PSAT1: variants seen among roughly 807,000 people sequenced by gnomAD.
The protein encoded by PSAT1 is phosphoserine aminotransferase 1, also known as phosphoserine aminotransferase.
PSAT1 carries 41 observed loss-of-function variants against 40.3 expected under a neutral mutation model. The ratio of observed to expected loss-of-function variants is 1.02; its 90% CI spans 0.79 to 1.32. PSAT1 has a LOEUF of 1.32. Among genes scored for constraint, PSAT1 ranks in the 40% most tolerant of loss-of-function variants. The pLI, the probability that PSAT1 is intolerant of heterozygous loss-of-function variation, is 0.00. For missense variants in PSAT1, 406 were observed against 455.8 expected, an observed-to-expected ratio of 0.89 and a Z score of 0.99; for synonymous variants, 147 against 170.5, an observed-to-expected ratio of 0.86 and a Z score of 1.07.
intron 7 of PSAT1, among the ~76,000 whole-genome samples, chr9:78,320,300 C>T (rs1828408724): frequency 6.7e-6 from 1 of 148,928 alleles, no homozygotes; most frequent in East Asian, 2.0e-4. Context: ...CACTCACCTA[C>T]CCATCCACTC....
chr9:78,298,459 T>C, intron 1 of PSAT1: 1 of 983,362 alleles, frequency 1.0e-6, no homozygotes, highest in Non-Finnish European at 1.2e-6. Context: ...GGGGCAGCGC[T>C]CACAGTAGCT....
At position 78,311,651 on chromosome 9, in the gene PSAT1, G is replaced by A. The variant is rs183105860; in HGVS notation, c.740+3068G>A. 3.6e-3 allele frequency among the ~76,000 whole-genome samples: 555 copies of A among 152,122 alleles called. 4 individuals are homozygous for A. Among genetic ancestry groups the A allele is most frequent in the Admixed American group, 5.4e-3 (82 of 15,290 alleles). On this transcript the variant is annotated intron_variant, in intron 6 of 8. Coordinates refer to ENST00000376588, the MANE Select transcript of PSAT1 (RefSeq NM_058179.4). ...AATCGAGACCAGCCAGACCAACATG[G>A]TGAAACCCCGTCTCTACTAAAAATA...
At chr9:78,313,989 A>G (rs1268310304) in intron 6 of PSAT1, among the ~76,000 whole-genome samples, 3 of 152,216 alleles carry the variant, frequency 2.0e-5, no homozygotes, top group African/African-American at 4.8e-5. Flanking sequence ...TAGAATGGAC[A>G]TACCTCGATT....
chr9:78,316,833 G>A (rs1233784780), intron 6 of PSAT1, among the ~76,000 whole-genome samples: 1 of 152,182 alleles, frequency 6.6e-6, no homozygotes, highest in South Asian at 2.1e-4. Context: ...CTGGCTGGAA[G>A]GCACTGTGCT....
Position 78,306,337 on chromosome 9 carries a change from A to C in PSAT1, c.421A>C (p.Asn141His). 1 of 1,612,394 alleles carries C rather than the reference A, an allele frequency of 6.2e-7. No homozygotes were observed. The highest frequency in any genetic ancestry group is 8.5e-7 in the Non-Finnish European group (1 of 1,179,932). Residue 141 changes from asparagine (N) to histidine (H), a missense_variant, in exon 5 of 9, where the codon AAC becomes CAC. Physicochemically the swap from Asn to His is moderately conservative, Grantham distance 68. Transcript: ENST00000376588. ...AGAAATTCCAGATCCAAGCACCTGG[A>C]ACCTCAACCCAGATGCCTCCTACGT... ...YTKIPDPSTW[N>H]LNPDASYVYY...
rs532271165 is a variant in PSAT1, at chr9:78,305,721, C to T, written c.398-593C>T. Among the ~76,000 whole-genome samples, 4 of 152,282 alleles carry T rather than the reference C, an allele frequency of 2.6e-5. No homozygotes were observed. In the South Asian group the frequency reaches 8.3e-4, roughly 32 times the overall value. On this transcript the variant is annotated intron_variant, in intron 4 of 8. Coordinates refer to ENST00000376588, the MANE Select transcript of PSAT1 (RefSeq NM_058179.4). Reference sequence around the variant, plus strand: ...TGGCCATGCCTGAGTTGCATTCTACCTCTGGGCTGTAGGTTTCATTGGCTC... The same window carrying T: ...TGGCCATGCCTGAGTTGCATTCTACTTCTGGGCTGTAGGTTTCATTGGCTC...
At chr9:78,328,270 C>T in intron 8 of PSAT1, 82 bp downstream of exon 8, 1 of 1,563,526 alleles carries the variant, frequency 6.4e-7, no homozygotes, top group East Asian at 2.3e-5. Flanking sequence ...CTATAGGAGC[C>T]TGCTTAGCTT....
At chr9:78,327,738 T>C (rs1828522147) in intron 7 of PSAT1, among the ~76,000 whole-genome samples, 1 of 152,180 alleles carries the variant, frequency 6.6e-6, no homozygotes, top group Admixed American at 6.5e-5. Flanking sequence ...GCTTCATATA[T>C]GTAGTACCAC....
chr9:78,319,407 C>T (rs545854446), intron 7 of PSAT1, among the ~76,000 whole-genome samples: 1 of 152,290 alleles, frequency 6.6e-6, no homozygotes, highest in South Asian at 2.1e-4. Context: ...CCTTTGGGCT[C>T]CTTTCCCAGG....
intron 1 of PSAT1, 35 bp from the exon 2 acceptor site, chr9:78,300,567 T>G: frequency 6.2e-7 from 1 of 1,600,468 alleles, no homozygotes. Context: ...GCAGAACATA[T>G]TTAAATAACC....
At chr9:78,309,617 C>T (rs551099324) in intron 6 of PSAT1, among the ~76,000 whole-genome samples, 6 of 152,326 alleles carry the variant, frequency 3.9e-5, no homozygotes, top group African/African-American at 1.4e-4. Context: ...CCGGCTTTGG[C>T]CTTCTAAAGC....
intron 7 of PSAT1, 125 bp downstream of exon 7, chr9:78,317,929 T>C (rs968066406): frequency 7.4e-6 from 9 of 1,215,896 alleles, no homozygotes; most frequent in Non-Finnish European, 1.1e-5. Context: ...GGTGAGTGTG[T>C]GTGGTCCTGG....
At chr9:78,306,122 A>G (rs1398253870) in intron 4 of PSAT1, among the ~76,000 whole-genome samples, 192 bp from the exon 5 acceptor site, 1 of 152,220 alleles carries the variant, frequency 6.6e-6, no homozygotes, top group Non-Finnish European at 1.5e-5. Context: ...TGGATCGCTC[A>G]TCCTCTCAGG....
intron 6 of PSAT1, among the ~76,000 whole-genome samples, chr9:78,313,192 C>A (rs1828292239): frequency 6.6e-6 from 1 of 152,086 alleles, no homozygotes; most frequent in Non-Finnish European, 1.5e-5. Context: ...ATGGTGAAAC[C>A]CTGTCTCTAC....
At chr9:78,317,122 G>T (rs1828356498) in intron 6 of PSAT1, among the ~76,000 whole-genome samples, 2 of 152,196 alleles carry the variant, frequency 1.3e-5, no homozygotes, top group African/African-American at 4.8e-5. Context: ...GGACTGATAT[G>T]ATGTTTAGTG....
chr9:78,324,361 G>T (rs1300646422), intron 7 of PSAT1, among the ~76,000 whole-genome samples: 1 of 152,100 alleles, frequency 6.6e-6, no homozygotes, highest in Non-Finnish European at 1.5e-5. Context: ...ATGTTGGGAA[G>T]TGCGGCTCTT....
Position 78,297,274 on chromosome 9 carries a change from A to T in PSAT1, c.60+4A>T. ...TCCCGCCAAGCTGCCGCACTCAGTA[A>T]GTCCCCGCGAGCGGGCGCCGGGAGT... On this transcript the variant is annotated splice_donor_region_variant and intron_variant, in intron 1 of 8. Transcript: ENST00000376588. The T allele has an allele frequency of 6.3e-7, 1 of 1,598,100 alleles. No individual in the cohort carries two copies.
chr9:78,297,419 C>A, intron 1 of PSAT1, 149 bp downstream of exon 1: 2 of 973,220 alleles, frequency 2.1e-6, no homozygotes, highest in Non-Finnish European at 3.1e-6. Flanking sequence ...GCGGGATCAG[C>A]AGCTCCGGCA....
intron 6 of PSAT1, among the ~76,000 whole-genome samples, chr9:78,313,283 TGAAC>T (rs1828293455): frequency 6.6e-6 from 1 of 152,158 alleles, no homozygotes; most frequent in Admixed American, 6.5e-5. Flanking sequence ...GGAGATCACT[TGAAC>T]CTGGGAGGCG....
Sources: allele counts gnomAD v4.1 joint callset (sites outside exome capture counted in the v4.1 genomes callset), GRCh38; gene constraint gnomAD v4.1.1; transcripts MANE v1.5; gene names NCBI Gene and HGNC (gene_info 2026-07-23, HGNC 2026-07-21).